The following PTPRO variants were observed in gnomAD, a reference collection of about 807,000 sequenced individuals.
The protein encoded by PTPRO is receptor-type tyrosine-protein phosphatase O.
Under a neutral mutation model 145.2 loss-of-function variants are expected in PTPRO, and 62 were observed. That is an observed-to-expected ratio of 0.43 (90% CI 0.35 to 0.53). PTPRO has a LOEUF of 0.53. Among genes scored for constraint, PTPRO ranks in the 20% least tolerant of loss-of-function variants. PTPRO has a pLI of 0.01. For synonymous variants in PTPRO, 565 were observed against 514.7 expected (o/e 1.10, Z -1.32); for missense variants, 1,345 against 1,482.7 (o/e 0.91, Z 1.53).
intron 1 of PTPRO, among the ~76,000 whole-genome samples, chr12:15,363,395 T>G (rs1264644881): frequency 6.6e-6 from 1 of 152,122 alleles, no homozygotes; most frequent in East Asian, 1.9e-4. Flanking sequence ...CTCCTTCAAC[T>G]TGCTTAGATT....
intron 1 of PTPRO, among the ~76,000 whole-genome samples, chr12:15,391,908 C>T (rs1346904418): frequency 6.6e-6 from 1 of 152,166 alleles, no homozygotes; most frequent in Non-Finnish European, 1.5e-5. Flanking sequence ...TGTATTTTAG[C>T]TACTCCAGAC....
At chr12:15,444,602 C>G (rs571668776) in intron 1 of PTPRO, among the ~76,000 whole-genome samples, 4 of 151,916 alleles carry the variant, frequency 2.6e-5, no homozygotes, top group African/African-American at 9.7e-5. Flanking sequence ...ATTTGTTTGC[C>G]GAAACGTAAT....
chr12:15,494,920 C>A (rs1036977651), intron 2 of PTPRO, among the ~76,000 whole-genome samples: 2 of 152,152 alleles, frequency 1.3e-5, no homozygotes, highest in East Asian at 1.9e-4. Flanking sequence ...CATTTTAGTT[C>A]TCTTAGGGTC....
chr12:15,422,919 T>C (rs1042594588), intron 1 of PTPRO, among the ~76,000 whole-genome samples: 2 of 152,220 alleles, frequency 1.3e-5, no homozygotes, highest in Admixed American at 6.5e-5. Flanking sequence ...AATGAGATTG[T>C]CACATCTATC....
chr12:15,413,247 C>T (rs746563515), intron 1 of PTPRO, among the ~76,000 whole-genome samples: 8 of 151,854 alleles, frequency 5.3e-5, no homozygotes, highest in Non-Finnish European at 1.2e-4. Context: ...CCTGCCACCA[C>T]GCCCAGCTAA....
chr12:15,451,864 A>G (rs1229366337), intron 1 of PTPRO, among the ~76,000 whole-genome samples: 1 of 152,216 alleles, frequency 6.6e-6, no homozygotes, highest in Admixed American at 6.5e-5. Context: ...AGAAAACTTC[A>G]TAGCCTTGAA....
intron 1 of PTPRO, among the ~76,000 whole-genome samples, chr12:15,416,137 C>A (rs1183808802): frequency 1.3e-5 from 2 of 151,574 alleles, no homozygotes; most frequent in South Asian, 4.1e-4. Flanking sequence ...AGCTCATATT[C>A]ATTAAATAAA....
At chr12:15,435,270 A>G (rs542157975) in intron 1 of PTPRO, among the ~76,000 whole-genome samples, 1 of 152,324 alleles carries the variant, frequency 6.6e-6, no homozygotes, top group South Asian at 2.1e-4. Flanking sequence ...GATGACCCGT[A>G]AGTCATGATT....
intron 1 of PTPRO, among the ~76,000 whole-genome samples, chr12:15,461,704 A>G (rs1037154314): frequency 2.6e-5 from 4 of 151,136 alleles, no homozygotes; most frequent in Admixed American, 2.0e-4. Flanking sequence ...AGTAGCTGAG[A>G]CTACAGGTGT....
At chr12:15,365,277 A>G (rs367684046) in intron 1 of PTPRO, among the ~76,000 whole-genome samples, 60 of 152,264 alleles carry the variant, frequency 3.9e-4, no homozygotes, top group African/African-American at 1.4e-3. Flanking sequence ...AGTCCACATG[A>G]TCGTCCAATG....
Position 15,501,997 on chromosome 12 carries a change from T to C in PTPRO, c.1039T>C (p.Leu347=). The change falls in exon 5 of 27, where the codon TTG becomes CTG. Residue 347 remains leucine, a synonymous_variant. Transcript: ENST00000281171. ...SFSFFPVQMI[L]TWLPPKPPTA... is the part of the protein sequence containing the mutation. ...CTCCTTTTTCCCTGTGCAAATGATA[T>C]TGACCTGGTTACCACCCAAACCACC... 6.2e-7 allele frequency: 1 copy of C among 1,614,068 alleles called. No homozygotes were observed. The highest frequency in any genetic ancestry group is 8.5e-7 in the Non-Finnish European group (1 of 1,179,934).
intron 1 of PTPRO, among the ~76,000 whole-genome samples, chr12:15,482,270 A>G (rs1414370277): frequency 6.6e-6 from 1 of 152,004 alleles, no homozygotes; most frequent in African/African-American, 2.4e-5. Context: ...ACATTATATC[A>G]AGTGAAATAA....
intron 1 of PTPRO, among the ~76,000 whole-genome samples, chr12:15,368,664 G>A (rs1330092810): frequency 6.6e-6 from 1 of 152,182 alleles, no homozygotes; most frequent in African/African-American, 2.4e-5. Context: ...CATGAGCTCT[G>A]GATTTATCCT....
At chr12:15,461,690 C>T (rs1347401395) in intron 1 of PTPRO, among the ~76,000 whole-genome samples, 3 of 150,918 alleles carry the variant, frequency 2.0e-5, no homozygotes, top group Admixed American at 6.6e-5. Context: ...GCCTCAGCCT[C>T]CTGAGTAGCT....
intron 1 of PTPRO, among the ~76,000 whole-genome samples, chr12:15,429,115 G>A (rs577252348): frequency 3.3e-5 from 5 of 152,082 alleles, no homozygotes; most frequent in Non-Finnish European, 7.4e-5. Context: ...TTGCCACACC[G>A]TTTGAACAGG....
chr12:15,433,052 T>C (rs933414329), intron 1 of PTPRO, among the ~76,000 whole-genome samples: 6 of 149,306 alleles, frequency 4.0e-5, no homozygotes, highest in African/African-American at 1.5e-4. Context: ...TAGATCCCAA[T>C]TGTTAATTTT....
chr12:15,479,156 G>A (rs1488760805), intron 1 of PTPRO, among the ~76,000 whole-genome samples: 3 of 152,146 alleles, frequency 2.0e-5, no homozygotes, highest in Non-Finnish European at 4.4e-5. Flanking sequence ...TTATGAAGGG[G>A]AAGAAGGCAT....
In PTPRO at chr12:15,346,445, A is replaced by C. The variant is rs548257609; in HGVS notation, c.75+23644A>C. 6.3e-4 allele frequency: 96 copies of C among 152,268 alleles called. 1 individual carries two copies. The highest frequency in any genetic ancestry group is 2.3e-3 in the African/African-American group (95 of 41,558). 9.4% of individuals were successfully genotyped at this position (152,268 alleles called of 1,614,324 possible). On this transcript the variant is annotated intron_variant, in intron 1 of 26. Transcript: ENST00000281171. ...ATGTGGATATCAGTTTCCATTTCCT[A>C]TTCTCCCACATGCAGAGCTGCAAGA...
rs778803323 is a variant in PTPRO, at chr12:15,360,830, A to G, written c.75+38029A>G. Among the ~76,000 whole-genome samples, 55 of 90,870 alleles carry G rather than the reference A, an allele frequency of 6.1e-4. 3 individuals carry two copies. The highest frequency in any genetic ancestry group is 1.6e-3 in the East Asian group (6 of 3,718). 59.6% of individuals were successfully genotyped at this position (90,870 alleles called of 152,430 possible). On this transcript the variant is annotated intron_variant, in intron 1 of 26. Coordinates refer to ENST00000281171, the MANE Select transcript of PTPRO (RefSeq NM_030667.3). ...TATACGTGTGTATATATGTGTGTGT[A>G]TATATATACGTGTGTATATATGTGT...
Sources: gnomAD v4.1 joint callset for allele counts (sites outside exome capture counted in the v4.1 genomes callset) on GRCh38, gnomAD v4.1.1 for gene constraint, MANE v1.5 for transcripts, NCBI Gene and HGNC (gene_info 2026-07-23, HGNC 2026-07-21) for gene names.